Variants in MAGI1 observed in about 807,000 individuals in gnomAD.
MAGI1 encodes the protein membrane associated guanylate kinase, WW and PDZ domain containing 1.
A neutral mutation model predicts 139.9 loss-of-function variants in MAGI1; 58 were observed. That is an observed-to-expected ratio of 0.41 (90% CI 0.34 to 0.52). MAGI1 has a LOEUF of 0.52. MAGI1 is among the 20% of genes least tolerant of loss of function. The probability of loss-of-function intolerance (pLI) is 0.12; values close to 1 mark genes in which losing one functional copy is unlikely to be tolerated. For missense variants in MAGI1, 1,874 were observed against 1,901.6 expected (o/e 0.99, Z 0.27); for synonymous variants, 812 against 737.9 (o/e 1.10, Z -1.63).
At chr3:65,960,934 C>G (rs565573228) in intron 1 of MAGI1, among the ~76,000 whole-genome samples, 5 of 152,324 alleles carry the variant, frequency 3.3e-5, no homozygotes, top group Admixed American at 6.5e-5. Flanking sequence ...CTTTCTGTAC[C>G]TTGGCTCTAA....
At chr3:65,705,516 A>C (rs1196076251) in intron 1 of MAGI1, among the ~76,000 whole-genome samples, 1 of 152,244 alleles carries the variant, frequency 6.6e-6, no homozygotes, top group East Asian at 1.9e-4. Context: ...GAAATTGTAC[A>C]AGGTGCAAGT....
At chr3:65,518,082 A>C (rs1159644853) in intron 2 of MAGI1, among the ~76,000 whole-genome samples, 2 of 152,176 alleles carry the variant, frequency 1.3e-5, no homozygotes, top group African/African-American at 4.8e-5. Flanking sequence ...TATCTGGTCC[A>C]TATTAGGTGC....
intron 2 of MAGI1, among the ~76,000 whole-genome samples, chr3:65,583,638 G>T (rs1320616011): frequency 1.3e-5 from 2 of 152,046 alleles, no homozygotes; most frequent in South Asian, 4.1e-4. Context: ...GAAAGCAGGA[G>T]AAAGTTCAAG....
At chr3:65,991,542 T>C (rs2066174276) in intron 1 of MAGI1, among the ~76,000 whole-genome samples, 1 of 152,096 alleles carries the variant, frequency 6.6e-6, no homozygotes, top group African/African-American at 2.4e-5. Flanking sequence ...AGGAAATAGC[T>C]TGGGTGAGCT....
intron 9 of MAGI1, 27 bp downstream of exon 9, chr3:65,439,852 G>C (rs764511424): frequency 6.2e-7 from 1 of 1,608,062 alleles, no homozygotes; most frequent in African/African-American, 1.3e-5. Context: ...CCCTGATCAA[G>C]AAAAAGCCTA....
intron 2 of MAGI1, chr3:65,597,925 T>TGGGGGGGGGGGGGGGGGGGGGGGGG (rs57059846): frequency 2.7e-6 from 1 of 371,046 alleles, no homozygotes. Flanking sequence ...GAGGCGGGGG[T>TGGGGGGGGGGGGGGGGGGGGGGGGG]GGGGGGGGGG....
intron 2 of MAGI1, among the ~76,000 whole-genome samples, chr3:65,529,576 T>C (rs1318756768): frequency 2.0e-5 from 3 of 152,222 alleles, no homozygotes; most frequent in African/African-American, 7.2e-5. Context: ...TTCTCTCACA[T>C]GGATATACCA....
chr3:65,936,375 C>T (rs560376967), intron 1 of MAGI1, among the ~76,000 whole-genome samples: 3 of 152,180 alleles, frequency 2.0e-5, no homozygotes, highest in South Asian at 2.1e-4. Context: ...TAGTGGCTCA[C>T]GTCTATAATC....
intron 9 of MAGI1, among the ~76,000 whole-genome samples, chr3:65,439,644 G>C (rs190257495): frequency 6.6e-6 from 1 of 152,286 alleles, no homozygotes; most frequent in Admixed American, 6.5e-5. Flanking sequence ...ATCTAATGAT[G>C]CTCCTTTCTA....
At chr3:65,526,556 C>T (rs543731509) in intron 2 of MAGI1, among the ~76,000 whole-genome samples, 8 of 152,340 alleles carry the variant, frequency 5.3e-5, no homozygotes, top group African/African-American at 1.9e-4. Context: ...AAACTATCCT[C>T]TTTATGGAAA....
intron 13 of MAGI1, among the ~76,000 whole-genome samples, chr3:65,395,002 C>T (rs1944268621): frequency 6.6e-6 from 1 of 152,168 alleles, no homozygotes; most frequent in Admixed American, 6.5e-5. Context: ...TAACGAAACC[C>T]TGTGCATACT....
chr3:65,826,998 G>A (rs1474319413), intron 1 of MAGI1, among the ~76,000 whole-genome samples: 3 of 86,144 alleles, frequency 3.5e-5, no homozygotes, highest in East Asian at 2.7e-3. Flanking sequence ...ACCATCCCCC[G>A]GTCTGCTGCT....
At chr3:65,802,774 C>T (rs1341991280) in intron 1 of MAGI1, among the ~76,000 whole-genome samples, 3 of 151,612 alleles carry the variant, frequency 2.0e-5, no homozygotes, top group African/African-American at 4.8e-5. Context: ...CCTCAAGTAC[C>T]GAATGCCTAA....
intron 1 of MAGI1, among the ~76,000 whole-genome samples, chr3:65,737,658 A>G (rs1232290291): frequency 6.6e-6 from 1 of 152,180 alleles, no homozygotes; most frequent in African/African-American, 2.4e-5. Flanking sequence ...GAGGCAGAAA[A>G]TAAAGATTTT....
At chr3:65,702,231 C>T (rs187639318) in intron 1 of MAGI1, among the ~76,000 whole-genome samples, 1 of 152,138 alleles carries the variant, frequency 6.6e-6, no homozygotes, top group Non-Finnish European at 1.5e-5. Context: ...GCTTATAAGG[C>T]CTCACCCTAG....
intron 1 of MAGI1, among the ~76,000 whole-genome samples, chr3:65,642,002 G>A (rs948125938): frequency 2.6e-5 from 4 of 152,164 alleles, no homozygotes; most frequent in African/African-American, 2.4e-5. Context: ...GGCCTGCTGG[G>A]ATCACAAATG....
intron 2 of MAGI1, among the ~76,000 whole-genome samples, chr3:65,500,890 C>T (rs934990908): frequency 7.2e-5 from 11 of 152,172 alleles, no homozygotes; most frequent in East Asian, 1.9e-4. Flanking sequence ...GTGTTAAGAA[C>T]AGATCATCAT....
At chr3:65,559,151 A>C (rs1243562213) in intron 2 of MAGI1, among the ~76,000 whole-genome samples, 2 of 152,250 alleles carry the variant, frequency 1.3e-5, no homozygotes, top group African/African-American at 4.8e-5. Flanking sequence ...AACTGACTTT[A>C]GTATCTCTTT....
At chr3:65,663,409 T>G (rs1271869934) in intron 1 of MAGI1, among the ~76,000 whole-genome samples, 1 of 152,320 alleles carries the variant, frequency 6.6e-6, no homozygotes, top group Non-Finnish European at 1.5e-5. Context: ...GACCACACTT[T>G]GGGCACTGCT....
Sources: gnomAD v4.1 joint callset for allele counts (sites outside exome capture counted in the v4.1 genomes callset) on GRCh38, gnomAD v4.1.1 for gene constraint, MANE v1.5 for transcripts, NCBI Gene and HGNC (gene_info 2026-07-23, HGNC 2026-07-21) for gene names.